DISC1: variants seen among roughly 807,000 people sequenced by gnomAD.
The protein encoded by DISC1 is DISC1 scaffold protein.
DISC1 carries 57 observed loss-of-function variants against 84.5 expected under a neutral mutation model. The observed-to-expected ratio is 0.67, with a 90% CI of 0.55 to 0.84. DISC1 has a LOEUF of 0.84. DISC1 is among the 40% of genes least tolerant of loss of function. The probability of loss-of-function intolerance (pLI) is 0.00; values close to 1 mark genes in which losing one functional copy is unlikely to be tolerated. For synonymous variants in DISC1, 411 were observed against 415.2 expected (o/e 0.99, Z 0.12); for missense variants, 1,000 against 1,057.8 (o/e 0.95, Z 0.76).
intron 1 of DISC1, 26 bp from the exon 2 acceptor site, chr1:231,693,800 G>A (rs1304296768): frequency 8.1e-6 from 13 of 1,612,110 alleles, no homozygotes; most frequent in Non-Finnish European, 9.3e-6. Flanking sequence ...GCATGTTTAT[G>A]GTGCTGTTTT....
At chr1:231,778,518 C>G (rs146885102) in intron 6 of DISC1, among the ~76,000 whole-genome samples, 473 of 152,276 alleles carry the variant, frequency 3.1e-3, no homozygotes, top group Middle Eastern at 0.01. Context: ...TAGGGCTGGT[C>G]CCTAGAGCAT....
chr1:231,895,293 G>T (rs888931799), intron 9 of DISC1, among the ~76,000 whole-genome samples: 6 of 151,048 alleles, frequency 4.0e-5, no homozygotes, highest in African/African-American at 1.5e-4. Flanking sequence ...TATATCTAAT[G>T]AATAATATAT....
chr1:231,901,710 A>G lies in DISC1; in HGVS notation c.1982-57118A>G, dbSNP rs200667042. Among the ~76,000 whole-genome samples the G allele has an allele frequency of 3.2e-4, 48 of 152,274 alleles. No individual in the cohort carries two copies. The Middle Eastern group carries it at 0.02, about 65-fold the overall frequency. On this transcript the variant is annotated intron_variant, in intron 9 of 12. Transcript: ENST00000439617. ...CCCATTTTTTCTTGTTCACTGGCAC[A>G]TTTACTTTCCAAACTGTACTTTATT...
intron 9 of DISC1, among the ~76,000 whole-genome samples, chr1:231,933,781 T>G (rs1301374900): frequency 1.3e-5 from 2 of 152,160 alleles, no homozygotes; most frequent in Non-Finnish European, 2.9e-5. Flanking sequence ...GGGGTATAAT[T>G]ACAACCCGAA....
intron 9 of DISC1, among the ~76,000 whole-genome samples, chr1:231,940,605 G>T (rs2091266952): frequency 1.3e-5 from 2 of 152,086 alleles, no homozygotes; most frequent in South Asian, 4.1e-4. Context: ...AAATCCATGT[G>T]AGTCTATTTT....
At chr1:231,680,923 G>A (rs2063625782) in intron 1 of DISC1, among the ~76,000 whole-genome samples, 1 of 152,144 alleles carries the variant, frequency 6.6e-6, no homozygotes, top group Admixed American at 6.5e-5. Flanking sequence ...CTTTTGCTAG[G>A]GTGGATACGA....
intron 9 of DISC1, among the ~76,000 whole-genome samples, chr1:231,942,881 G>T (rs535619016): frequency 3.7e-4 from 57 of 152,304 alleles, no homozygotes; most frequent in Admixed American, 3.1e-3. Context: ...AACACAGACT[G>T]CTGGGGTTTG....
intron 9 of DISC1, among the ~76,000 whole-genome samples, chr1:231,828,405 G>A (rs1181938615): frequency 6.6e-6 from 1 of 152,174 alleles, no homozygotes; most frequent in South Asian, 2.1e-4. Context: ...AGTAACAGTA[G>A]TGGCTGGATG....
chr1:231,933,703 AT>A (rs1254440347), intron 9 of DISC1, among the ~76,000 whole-genome samples: 2 of 152,232 alleles, frequency 1.3e-5, no homozygotes, highest in African/African-American at 4.8e-5. Context: ...TTAACCTGGC[AT>A]CTTTTAAAAT....
chr1:231,703,905 G>T (rs577946888), intron 3 of DISC1, among the ~76,000 whole-genome samples: 1 of 152,306 alleles, frequency 6.6e-6, no homozygotes, highest in African/African-American at 2.4e-5. Flanking sequence ...AGAAAACACT[G>T]GTGCAGAGTT....
chr1:231,774,489 A>G (rs559772603), intron 6 of DISC1: 11 of 334,334 alleles, frequency 3.3e-5, no homozygotes, highest in African/African-American at 1.7e-4. Context: ...ACCCTGAGAC[A>G]TCCTCATTAT....
At chr1:232,024,908 T>C (rs1268385607) in intron 11 of DISC1, among the ~76,000 whole-genome samples, 1 of 152,162 alleles carries the variant, frequency 6.6e-6, no homozygotes, top group East Asian at 1.9e-4. Context: ...TTTTTTAGTG[T>C]ATCTTCTAAG....
chr1:231,782,744 C>T lies in DISC1; in HGVS notation c.1634+11674C>T, dbSNP rs2077523880. Among the ~76,000 whole-genome samples, 6 of 152,046 alleles carry T rather than the reference C, an allele frequency of 3.9e-5. No individual in the cohort carries two copies. In the South Asian group the frequency reaches 6.2e-4, roughly 16 times the overall value. ...CTTGAGGTCAGGCGTTTCAGAGCAA[C>T]CTGGCCAACATGGCAAAACCCCGTC... On this transcript the variant is annotated intron_variant, in intron 6 of 12. Transcript: ENST00000439617.
intron 9 of DISC1, among the ~76,000 whole-genome samples, chr1:231,878,803 A>G (rs1176430853): frequency 6.6e-6 from 1 of 152,162 alleles, no homozygotes; most frequent in Non-Finnish European, 1.5e-5. Flanking sequence ...CATGTTCCAA[A>G]GGCAACCCTA....
chr1:231,839,549 A>T (rs1391524210), intron 9 of DISC1, among the ~76,000 whole-genome samples: 1 of 152,032 alleles, frequency 6.6e-6, no homozygotes, highest in East Asian at 1.9e-4. Flanking sequence ...GGTTTTCAAG[A>T]TTTCTGAAAG....
At chr1:231,770,022 C>T (rs1010854057) in intron 5 of DISC1, among the ~76,000 whole-genome samples, 1 of 152,116 alleles carries the variant, frequency 6.6e-6, no homozygotes, top group African/African-American at 2.4e-5. Context: ...GTAGGTGATG[C>T]ACCTCGGGGC....
chr1:231,934,192 C>T (rs147802220), intron 9 of DISC1, among the ~76,000 whole-genome samples: 2 of 152,186 alleles, frequency 1.3e-5, no homozygotes, highest in Non-Finnish European at 2.9e-5. Context: ...TTCCCAGCAG[C>T]GTTAGACACA....
At chr1:231,847,453 A>C (rs1248520783) in intron 9 of DISC1, among the ~76,000 whole-genome samples, 4 of 152,140 alleles carry the variant, frequency 2.6e-5, no homozygotes, top group Middle Eastern at 3.2e-3. Context: ...ATAAGAAGAG[A>C]ATTTAAAATC....
chr1:231,954,609 T>G lies in DISC1; in HGVS notation c.1982-4219T>G, dbSNP rs961384344. On this transcript the variant is annotated intron_variant, in intron 9 of 12. Transcript: ENST00000439617. The surrounding 1 kb of genome is among the most constrained non-coding windows in gnomAD (Gnocchi z 4.8). ...GTATTCAGCATTTCTTTGAGCGCCCTCTTTGCTTCTTGGAACCTTGCCTTA... is the reference window on the plus strand; with the variant it reads ...GTATTCAGCATTTCTTTGAGCGCCCGCTTTGCTTCTTGGAACCTTGCCTTA... 1.3e-4 allele frequency among the ~76,000 whole-genome samples: 20 copies of G among 152,128 alleles called. No homozygotes were observed. Among genetic ancestry groups the G allele is most frequent in the African/African-American group, 4.8e-4 (20 of 41,382 alleles).
Sources: allele counts gnomAD v4.1 joint callset (sites outside exome capture counted in the v4.1 genomes callset), GRCh38; gene constraint gnomAD v4.1.1; non-coding constraint Gnocchi (gnomAD v3.1); transcripts MANE v1.5; gene names NCBI Gene and HGNC (gene_info 2026-07-23, HGNC 2026-07-21).